The following SLC28A3 variants were observed in gnomAD, a reference collection of about 807,000 sequenced individuals.
SLC28A3 encodes the protein concentrative Na(+)-nucleoside cotransporter 3.
SLC28A3 carries 68 observed loss-of-function variants against 84.2 expected under a neutral mutation model. The observed-to-expected ratio is 0.81, with a 90% CI of 0.66 to 0.99. SLC28A3 has a LOEUF of 0.99. Among genes scored for constraint, SLC28A3 ranks in the 50% least tolerant of loss-of-function variants. The probability of loss-of-function intolerance (pLI) is 0.00; values close to 1 mark genes in which losing one functional copy is unlikely to be tolerated. For synonymous variants in SLC28A3, 267 were observed against 303.6 expected (o/e 0.88, Z 1.25); for missense variants, 712 against 841.5 (o/e 0.85, Z 1.90).
chr9:84,291,674 T>C (rs903541484), intron 10 of SLC28A3, among the ~76,000 whole-genome samples: 2 of 152,238 alleles, frequency 1.3e-5, no homozygotes, highest in South Asian at 2.1e-4. Context: ...GTGCTTCTTG[T>C]TGGCTTACCA....
intron 1 of SLC28A3, among the ~76,000 whole-genome samples, chr9:84,337,183 A>G (rs529705209): frequency 7.2e-5 from 11 of 152,316 alleles, no homozygotes; most frequent in Non-Finnish European, 1.3e-4. Context: ...CATTTTCCTT[A>G]ACATCAATTA....
chr9:84,339,629 G>T (rs957926211), intron 1 of SLC28A3, among the ~76,000 whole-genome samples: 1 of 152,160 alleles, frequency 6.6e-6, no homozygotes, highest in African/African-American at 2.4e-5. Context: ...TAATTTGCAG[G>T]CCTCAGGCAC....
rs1225344785 is a variant in SLC28A3, at chr9:84,309,818, C to CT, written c.157-105dup. On this transcript the variant is annotated intron_variant, in intron 2 of 17. Coordinates refer to ENST00000376238, the MANE Select transcript of SLC28A3 (RefSeq NM_001199633.2). ...TCGGGCAAAGAACTTTCAATAGGTC[C>CT]TTTTAAATTATTATGCAAGAAGATG... The CT allele has an allele frequency of 8.3e-6, 7 of 847,240 alleles. No homozygotes were observed. The African/African-American group carries it at 1.2e-4, about 15-fold the overall frequency. 52.5% of individuals were successfully genotyped at this position (847,240 alleles called of 1,614,324 possible).
upstream of SLC28A3, among the ~76,000 whole-genome samples, chr9:84,341,900 G>C (rs1291059309): frequency 6.6e-6 from 1 of 152,038 alleles, no homozygotes; most frequent in Non-Finnish European, 1.5e-5. Context: ...AGCCCAAGGC[G>C]GGTGGATCAC....
chr9:84,308,255 T>G (rs570317937), intron 3 of SLC28A3, among the ~76,000 whole-genome samples: 1 of 151,836 alleles, frequency 6.6e-6, no homozygotes, highest in South Asian at 2.1e-4. Context: ...TAAATTAAAA[T>G]ATATTTCTGG....
intron 1 of SLC28A3, among the ~76,000 whole-genome samples, chr9:84,316,869 C>T (rs1055474680): frequency 4.6e-5 from 7 of 152,080 alleles, no homozygotes; most frequent in South Asian, 2.1e-4. Context: ...GGCGTGGTGG[C>T]GGGCACCTGT....
rs1417711009 is a variant in SLC28A3, at chr9:84,276,356, A to ATCT, written c.*1859_*1861dup. 2 of 151,796 alleles carry ATCT rather than the reference A, an allele frequency of 1.3e-5. No homozygotes were observed. Among genetic ancestry groups the ATCT allele is most frequent in the Admixed American group, 1.3e-4 (2 of 15,188 alleles). 9.4% of individuals were successfully genotyped at this position (151,796 alleles called of 1,614,324 possible). On this transcript the variant is annotated 3_prime_UTR_variant, in exon 18 of 18. Coordinates refer to ENST00000376238, the MANE Select transcript of SLC28A3 (RefSeq NM_001199633.2). ...ACTTGTTTTTTAGCGTGGCTACTAG[A>ATCT]TCTTAAATTACATGTGACTTGCATA...
chr9:84,315,309 C>T (rs1826132566), intron 1 of SLC28A3, among the ~76,000 whole-genome samples: 1 of 152,102 alleles, frequency 6.6e-6, no homozygotes, highest in Non-Finnish European at 1.5e-5. Flanking sequence ...CCTTAGGGTC[C>T]CTACTGAGCA....
chr9:84,307,345 C>T (rs745702768), intron 3 of SLC28A3, among the ~76,000 whole-genome samples: 3 of 149,764 alleles, frequency 2.0e-5, no homozygotes, highest in Admixed American at 6.7e-5. Context: ...GCAGGAGAAT[C>T]GCTTGAATCT....
chr9:84,299,655 G>A lies in SLC28A3; in HGVS notation c.595C>T (p.Gln199Ter), dbSNP rs757467271. The part of the protein sequence containing the change: ...LAFDTAKLGQ[Q>*]QLVSFGGLIM... Reference sequence around the variant, plus strand: ...AGCCCACCGAAGGACACCAGCTGCTGTTGACCCAATTTGGCAGTGTCAAAG... The same window carrying A: ...AGCCCACCGAAGGACACCAGCTGCTATTGACCCAATTTGGCAGTGTCAAAG... Residue 199 changes from glutamine to a stop codon, truncating the protein, a stop_gained, in exon 6 of 18, where the codon CAG becomes TAG. Transcript: ENST00000376238. LOFTEE classifies it high-confidence loss of function. 1.2e-6 allele frequency: 2 copies of A among 1,613,658 alleles called. No individual in the cohort carries two copies. Among genetic ancestry groups the A allele is most frequent in the African/African-American group, 1.3e-5 (1 of 74,900 alleles).
intron 1 of SLC28A3, among the ~76,000 whole-genome samples, chr9:84,324,246 A>C (rs1260492463): frequency 6.6e-6 from 1 of 152,204 alleles, no homozygotes; most frequent in Non-Finnish European, 1.5e-5. Flanking sequence ...CCCTGGCTGC[A>C]CAAATTAGGC....
At chr9:84,297,836 C>T in intron 7 of SLC28A3, 70 bp downstream of exon 7, 1 of 1,274,244 alleles carries the variant, frequency 7.8e-7, no homozygotes, top group South Asian at 1.4e-5. Flanking sequence ...CCATTTCTGA[C>T]ACGTCTTGAG....
At chr9:84,342,127 C>G (rs1335078360), upstream of SLC28A3, among the ~76,000 whole-genome samples, 2 of 68,768 alleles carry the variant, frequency 2.9e-5, no homozygotes, top group Non-Finnish European at 5.8e-5. Flanking sequence ...GACCCTGTCT[C>G]AAAAAAAAAA....
intron 8 of SLC28A3, among the ~76,000 whole-genome samples, chr9:84,294,945 GGGAGGT>G (rs1825359450): frequency 6.6e-6 from 1 of 152,246 alleles, no homozygotes; most frequent in African/African-American, 2.4e-5. Context: ...AATGAAGGTT[GGGAGGT>G]GGAGGTTGCT....
the SLC28A3 span, among the ~76,000 whole-genome samples, chr9:84,360,432 C>G: frequency 6.6e-6 from 1 of 151,816 alleles, no homozygotes; most frequent in South Asian, 2.1e-4. Context: ...CCATGGGGAG[C>G]CCTGGAGATG....
At chr9:84,307,262 C>T (rs1270519523) in intron 3 of SLC28A3, among the ~76,000 whole-genome samples, 1 of 151,072 alleles carries the variant, frequency 6.6e-6, no homozygotes, top group African/African-American at 2.4e-5. Flanking sequence ...GAAACCCTGT[C>T]TCTACTAAAA....
chr9:84,306,077 A>G (rs1825778916), intron 3 of SLC28A3, among the ~76,000 whole-genome samples: 1 of 152,106 alleles, frequency 6.6e-6, no homozygotes, highest in African/African-American at 2.4e-5. Flanking sequence ...GGCCAGGGTC[A>G]TAGCCACATG....
intron 5 of SLC28A3, 146 bp from the exon 6 acceptor site, chr9:84,299,871 C>A (rs1469923584): frequency 2.4e-6 from 2 of 847,690 alleles, no homozygotes; most frequent in Non-Finnish European, 3.4e-6. Context: ...TGGCTCACTG[C>A]AACCTCCACT....
upstream of SLC28A3, among the ~76,000 whole-genome samples, chr9:84,342,537 C>T (rs768834752): frequency 4.6e-4 from 70 of 151,902 alleles, no homozygotes; most frequent in African/African-American, 1.5e-3. Flanking sequence ...CTCAGCCTCC[C>T]GAGTAGCTGG....
Sources: gnomAD v4.1 joint callset for allele counts (sites outside exome capture counted in the v4.1 genomes callset) on GRCh38, gnomAD v4.1.1 for gene constraint, MANE v1.5 for transcripts, NCBI Gene and HGNC (gene_info 2026-07-23, HGNC 2026-07-21) for gene names.